Variants in YME1L1 observed in about 807,000 individuals in gnomAD.
The protein encoded by YME1L1 is ATP-dependent zinc metalloprotease YME1L1.
Under a neutral mutation model 90.4 loss-of-function variants are expected in YME1L1, and 39 were observed. The observed-to-expected ratio is 0.43, with a 90% CI of 0.33 to 0.56. YME1L1 has a LOEUF of 0.56. Ranked by LOEUF, YME1L1 falls within the 20% of genes least tolerant of loss-of-function variation. The pLI is 0.03. For synonymous variants in YME1L1, 284 were observed against 287.3 expected (o/e 0.99, Z 0.12); for missense variants, 617 against 868.4 (o/e 0.71, Z 3.64).
chr10:27,133,617 C>G (rs1356125140), intron 7 of YME1L1, among the ~76,000 whole-genome samples: 3 of 152,018 alleles, frequency 2.0e-5, no homozygotes, highest in African/African-American at 7.2e-5. Flanking sequence ...GTGAAAACTG[C>G]ACAGTAGTGG....
chr10:27,121,802 T>C (rs941404402), intron 11 of YME1L1, among the ~76,000 whole-genome samples: 17 of 150,770 alleles, frequency 1.1e-4, no homozygotes, highest in African/African-American at 4.1e-4. Context: ...TGGAGTTCAA[T>C]GGTGCTCACT....
chr10:27,146,957 C>T (rs1306421157), intron 2 of YME1L1: 4 of 173,802 alleles, frequency 2.3e-5, no homozygotes, highest in Non-Finnish European at 5.0e-5. Context: ...TAGTAAAAGA[C>T]AGTTAAAGGC....
At chr10:27,135,045 T>G in intron 5 of YME1L1, 64 bp from the exon 6 acceptor site, 1 of 1,461,392 alleles carries the variant, frequency 6.8e-7, no homozygotes, top group Admixed American at 2.1e-5. Context: ...AACAATATTG[T>G]GACCACTCAA....
At chr10:27,114,111 G>A (rs887222618) in intron 18 of YME1L1, among the ~76,000 whole-genome samples, 14 of 151,876 alleles carry the variant, frequency 9.2e-5, no homozygotes, top group Non-Finnish European at 1.3e-4. Flanking sequence ...CAGCTTATGG[G>A]GTACAAGTGG....
intron 3 of YME1L1, 29 bp downstream of exon 3, chr10:27,145,399 T>C (rs2057133497): frequency 6.5e-7 from 1 of 1,544,104 alleles, no homozygotes; most frequent in South Asian, 1.2e-5. Flanking sequence ...CTAAAATATT[T>C]AATTGGAACA....
chr10:27,149,057 G>T lies in YME1L1; in HGVS notation c.34-17C>A. On this transcript the variant is annotated splice_polypyrimidine_tract_variant and intron_variant, in intron 1 of 18. Coordinates refer to ENST00000376016, the MANE Select transcript of YME1L1 (RefSeq NM_014263.4). Reference sequence around the variant, plus strand: ...AACTGTAACCTAGAAAAAGATAAAAGTTAAAAACTAAGTAGTTTTTTTTTA... The same window carrying T: ...AACTGTAACCTAGAAAAAGATAAAATTTAAAAACTAAGTAGTTTTTTTTTA... 6.3e-7 allele frequency: 1 copy of T among 1,576,220 alleles called. No individual in the cohort carries two copies. The highest frequency in any genetic ancestry group is 8.6e-7 in the Non-Finnish European group (1 of 1,166,862).
rs1286756749 is a variant in YME1L1 at position 27,123,097 on chromosome 10, G to C, written c.1103-124C>G. The C allele has an allele frequency of 7.3e-6, 9 of 1,235,566 alleles. No individual in the cohort carries two copies. In the Middle Eastern group the frequency reaches 1.4e-3, roughly 194 times the overall value. The allele number at this position is 1,235,566 out of a possible 1,614,324, so 76.5% of individuals were successfully genotyped here. ...ACAAAAAATATTCACTGAAAGAAAA[G>C]GACGTCATTTTTTACTGACTTAAAA... is the stretch of plus-strand genomic sequence containing the variant. On this transcript the variant is annotated intron_variant, in intron 10 of 18. Coordinates refer to ENST00000376016, the MANE Select transcript of YME1L1 (RefSeq NM_014263.4).
At chr10:27,117,856 C>T (rs2056829367) in intron 14 of YME1L1, 129 bp from the exon 15 acceptor site, 3 of 867,140 alleles carry the variant, frequency 3.5e-6, no homozygotes, top group African/African-American at 1.7e-5. Context: ...ATAGATTCAA[C>T]CAAATAAGGA....
In YME1L1 at chr10:27,134,537, T is replaced by C. The variant is rs138350724; in HGVS notation, c.691+294A>G. On this transcript the variant is annotated intron_variant, in intron 6 of 18. Transcript: ENST00000376016. ...CTACAATGAGCCATGATTGCACCAC[T>C]GCACTCTGGCTTAGGCAATGAAGCA... is the stretch of plus-strand genomic sequence containing the variant. Among the ~76,000 whole-genome samples, 242 of 152,348 alleles carry C rather than the reference T, an allele frequency of 1.6e-3. 2 individuals carry two copies. The highest frequency in any genetic ancestry group is 5.6e-3 in the African/African-American group (233 of 41,580).
intron 18 of YME1L1, 92 bp downstream of exon 18, chr10:27,114,429 A>T: frequency 1.1e-6 from 1 of 905,258 alleles, no homozygotes; most frequent in South Asian, 1.9e-5. Flanking sequence ...GTTTCTAGTG[A>T]ACAGAGGGCC....
Position 27,111,995 on chromosome 10 carries a change from T to G in YME1L1, c.2133A>C (p.Lys711Asn). The G allele has an allele frequency of 6.2e-7, 1 of 1,614,062 alleles. No individual in the cohort carries two copies. The highest frequency in any genetic ancestry group is 8.5e-7 in the Non-Finnish European group (1 of 1,180,002). The part of the protein sequence containing the change: ...AKEIQIVLEG[K>N]KLEVR ...AGAGTTATCATCTCACTTCCAACTT[T>G]TTCCCCTCAAGAACAATTTGAATCT... The change falls in exon 19 of 19, where the codon AAA (lysine) becomes AAC (asparagine). Residue 711 changes from lysine (K) to asparagine (N), a missense_variant. Lys to Asn is a moderately conservative substitution (Grantham distance 94). Transcript: ENST00000376016.
intron 1 of YME1L1, among the ~76,000 whole-genome samples, chr10:27,150,029 T>A (rs1321749552): frequency 2.0e-5 from 3 of 151,844 alleles, no homozygotes. Context: ...TGAGCCAAGA[T>A]CATGCCATTG....
chr10:27,152,353 T>C (rs2057229772), intron 1 of YME1L1, among the ~76,000 whole-genome samples: 1 of 152,240 alleles, frequency 6.6e-6, no homozygotes. Context: ...TAATTTCAAG[T>C]GTATTCAACC....
chr10:27,117,404 C>T (rs1372003347), intron 15 of YME1L1, among the ~76,000 whole-genome samples, 172 bp downstream of exon 15: 1 of 152,086 alleles, frequency 6.6e-6, no homozygotes, highest in Non-Finnish European at 1.5e-5. Context: ...CCCATCTCTA[C>T]TAAAATTACA....
At chr10:27,138,366 T>G (rs574981328) in intron 4 of YME1L1, among the ~76,000 whole-genome samples, 2 of 152,232 alleles carry the variant, frequency 1.3e-5, no homozygotes, top group Non-Finnish European at 2.9e-5. Context: ...AAGTGGGTCA[T>G]TAGAGTTTTG....
chr10:27,137,265 C>T (rs896792495), intron 4 of YME1L1, among the ~76,000 whole-genome samples: 3 of 152,108 alleles, frequency 2.0e-5, no homozygotes, highest in Non-Finnish European at 4.4e-5. Flanking sequence ...GAAATAGTAC[C>T]TAATTTTTTG....
chr10:27,117,543 G>C, intron 15 of YME1L1, 33 bp downstream of exon 15: 3 of 1,606,230 alleles, frequency 1.9e-6, no homozygotes, highest in Non-Finnish European at 2.6e-6. Context: ...ACTCCAGCCT[G>C]GGTGACAGGG....
intron 2 of YME1L1, chr10:27,147,589 A>G: frequency 6.3e-7 from 1 of 1,584,116 alleles, no homozygotes; most frequent in Non-Finnish European, 8.6e-7. Context: ...CTCCATGAAC[A>G]TGGATCTGTA....
At chr10:27,123,739 TA>T (rs2056889781) in intron 9 of YME1L1, 40 bp from the exon 10 acceptor site, 1 of 1,559,432 alleles carries the variant, frequency 6.4e-7, no homozygotes, top group Admixed American at 2.1e-5. Flanking sequence ...AAAGTATTTT[TA>T]AAAAATCCCT....
Sources: allele counts gnomAD v4.1 joint callset (sites outside exome capture counted in the v4.1 genomes callset), GRCh38; gene constraint gnomAD v4.1.1; transcripts MANE v1.5; gene names NCBI Gene and HGNC (gene_info 2026-07-23, HGNC 2026-07-21).